Variants in SLC10A6 observed in about 807,000 individuals in gnomAD.
SLC10A6 encodes solute carrier family 10 member 6, also known as sodium-dependent organic anion transporter.
SLC10A6 carries 27 observed loss-of-function variants against 30.0 expected under a neutral mutation model. That is an observed-to-expected ratio of 0.90 (90% CI 0.66 to 1.24). SLC10A6 has a LOEUF of 1.24. SLC10A6 is among the 50% of genes most tolerant of loss of function. The probability of loss-of-function intolerance (pLI) is 0.00; values close to 1 mark genes in which losing one functional copy is unlikely to be tolerated. For missense variants in SLC10A6, 439 were observed against 457.0 expected, an observed-to-expected ratio of 0.96 and a Z score of 0.36; for synonymous variants, 166 against 173.8, an observed-to-expected ratio of 0.95 and a Z score of 0.36.
At chr4:86,837,293 G>GA (rs1560460397) in intron 1 of SLC10A6, among the ~76,000 whole-genome samples, 1,671 of 74,946 alleles carry the variant, frequency 0.022, 69 homozygotes, top group South Asian at 0.035. Flanking sequence ...GAAAAAGAAA[G>GA]GAAGGAAGGA....
At chr4:86,825,639 C>G (rs1745968755) in intron 4 of SLC10A6, 62 bp from the exon 5 acceptor site, 1 of 1,468,086 alleles carries the variant, frequency 6.8e-7, no homozygotes, top group African/African-American at 1.4e-5. Context: ...CTAATATTTT[C>G]TCATATGCAT....
intron 1 of SLC10A6, among the ~76,000 whole-genome samples, chr4:86,836,076 A>G (rs1746180234): frequency 6.6e-6 from 1 of 152,224 alleles, no homozygotes; most frequent in Non-Finnish European, 1.5e-5. Flanking sequence ...ACCAACAGCC[A>G]TGCTACATAG....
intron 1 of SLC10A6, among the ~76,000 whole-genome samples, chr4:86,837,229 A>C (rs28694007): frequency 1.6e-5 from 1 of 61,298 alleles, no homozygotes; most frequent in Non-Finnish European, 2.9e-5. Flanking sequence ...GAGAGAGAGA[A>C]AGAAAGAAAG....
chr4:86,838,435 T>C (rs909554708), intron 1 of SLC10A6, among the ~76,000 whole-genome samples: 1 of 152,218 alleles, frequency 6.6e-6, no homozygotes, highest in Non-Finnish European at 1.5e-5. Flanking sequence ...AAATACTTAC[T>C]GAATAAATGT....
chr4:86,823,861 T>C lies in SLC10A6; in HGVS notation c.961A>G (p.Lys321Glu), dbSNP rs767105782. The C allele has an allele frequency of 1.2e-6, 2 of 1,613,768 alleles. No homozygotes were observed. Among genetic ancestry groups the C allele is most frequent in the Non-Finnish European group, 1.7e-6 (2 of 1,179,784 alleles). ...ACTTCTGTGCAACCTGAGTTCTTTT[T>C]TCCATGTTTGTTCTTCAATCTCCTC... ...YKRRLKNKHG[K>E]KNSGCTEVCH... The change falls in exon 6 of 6, where the codon AAA becomes GAA. Residue 321 changes from lysine (K) to glutamate (E), a missense_variant. Physicochemically the swap from Lys to Glu is moderately conservative, Grantham distance 56. Transcript: ENST00000273905.
intron 1 of SLC10A6, among the ~76,000 whole-genome samples, chr4:86,840,239 G>A (rs900285777): frequency 2.6e-5 from 4 of 152,042 alleles, no homozygotes; most frequent in African/African-American, 9.7e-5. Flanking sequence ...ATTCTATCAG[G>A]TTGTGCTTTC....
intron 1 of SLC10A6, among the ~76,000 whole-genome samples, chr4:86,845,067 C>A (rs1450226384): frequency 1.3e-5 from 2 of 152,146 alleles, no homozygotes; most frequent in Non-Finnish European, 2.9e-5. Context: ...CAGAGCCAAA[C>A]CATATCACCA....
chr4:86,839,967 G>A (rs112827079), intron 1 of SLC10A6, among the ~76,000 whole-genome samples: 4,748 of 150,090 alleles, frequency 0.032, 244 homozygotes, highest in African/African-American at 0.11. Context: ...GGAGTGCAGT[G>A]GCCTGATCTT....
intron 1 of SLC10A6, among the ~76,000 whole-genome samples, chr4:86,835,952 C>G (rs1405747548): frequency 6.6e-6 from 1 of 152,120 alleles, no homozygotes; most frequent in Non-Finnish European, 1.5e-5. Context: ...GGTGAACAAA[C>G]CTGGAAAGAT....
intron 5 of SLC10A6, 87 bp from the exon 6 acceptor site, chr4:86,823,989 G>A (rs1421705300): frequency 1.7e-6 from 2 of 1,211,740 alleles, no homozygotes; most frequent in Non-Finnish European, 2.3e-6. Flanking sequence ...TCCTTCAGGT[G>A]TTTGTTTCAG....
At chr4:86,832,010 G>T in intron 2 of SLC10A6, 130 bp from the exon 3 acceptor site, 1 of 725,340 alleles carries the variant, frequency 1.4e-6, no homozygotes, top group Non-Finnish European at 2.4e-6. Context: ...CCCAAGTCTG[G>T]ATAAATGCCT....
chr4:86,833,321 G>T lies in SLC10A6; in HGVS notation c.481C>A (p.Pro161Thr). The T allele has an allele frequency of 6.2e-7, 1 of 1,613,122 alleles. No individual in the cohort carries two copies. The highest frequency in any genetic ancestry group is 8.5e-7 in the Non-Finnish European group (1 of 1,179,144). Residue 161 changes from proline (P) to threonine (T), a missense_variant, in exon 2 of 6, where the codon CCT (proline) becomes ACT (threonine). Coordinates refer to ENST00000273905, the MANE Select transcript of SLC10A6 (RefSeq NM_197965.3). ...CCATACAGACCTATGTTCTGATAAG[G>T]AATGGTGAGATTCTGCTGAAGACTC... is the stretch of plus-strand genomic sequence containing the variant. ...SWSLQQNLTI[P>T]YQNIGITLVC...
chr4:86,835,453 G>C (rs1184724964), intron 1 of SLC10A6, among the ~76,000 whole-genome samples: 1 of 152,190 alleles, frequency 6.6e-6, no homozygotes, highest in Non-Finnish European at 1.5e-5. Context: ...GATGACCTGA[G>C]GTCAGAAGTT....
At chr4:86,835,050 C>T (rs1296240179) in intron 1 of SLC10A6, among the ~76,000 whole-genome samples, 1 of 152,220 alleles carries the variant, frequency 6.6e-6, no homozygotes, top group African/African-American at 2.4e-5. Context: ...ACCTCCAATA[C>T]TGGAATCACA....
chr4:86,834,433 A>G (rs1337960800), intron 1 of SLC10A6, among the ~76,000 whole-genome samples: 2 of 152,198 alleles, frequency 1.3e-5, no homozygotes, highest in African/African-American at 4.8e-5. Flanking sequence ...AGGTTTATCC[A>G]TGTTTTAACA....
intron 3 of SLC10A6, among the ~76,000 whole-genome samples, chr4:86,831,218 A>G (rs933320145): frequency 3.9e-5 from 6 of 152,238 alleles, no homozygotes; most frequent in Admixed American, 2.6e-4. Context: ...TGCAAAGACA[A>G]GAGGAGGTAG....
At position 86,842,899 on chromosome 4, in the gene SLC10A6, G is replaced by A. The variant is rs539607903; in HGVS notation, c.377+5840C>T. On this transcript the variant is annotated intron_variant, in intron 1 of 5. Transcript: ENST00000273905. ...CTTTTTTTTTTTGAGATGGAGTCTCGCTCTGTCACTTGCCCAGGCTGGAGT... is the reference window on the plus strand; with the variant it reads ...CTTTTTTTTTTTGAGATGGAGTCTCACTCTGTCACTTGCCCAGGCTGGAGT... 4.9e-3 allele frequency among the ~76,000 whole-genome samples: 573 copies of A among 117,798 alleles called. 66 individuals carry two copies. The highest frequency in any genetic ancestry group is 0.017 in the African/African-American group (538 of 32,442). 77.3% of individuals were successfully genotyped at this position (117,798 alleles called of 152,430 possible).
rs1056465894 is a variant in SLC10A6, at chr4:86,829,701, G to A, written c.586-1533C>T. Among the ~76,000 whole-genome samples the A allele has an allele frequency of 4.0e-5, 6 of 151,462 alleles. No homozygotes were observed. In the East Asian group the frequency reaches 1.2e-3, roughly 29 times the overall value. ...TAAAATTAAAATGGAACTAAGAACAGGGAATGAAGATATACTAAAATAATG... is the reference window on the plus strand; with the variant it reads ...TAAAATTAAAATGGAACTAAGAACAAGGAATGAAGATATACTAAAATAATG... On this transcript the variant is annotated intron_variant, in intron 3 of 5. Transcript: ENST00000273905.
chr4:86,837,176 G>A (rs570952853), intron 1 of SLC10A6, among the ~76,000 whole-genome samples: 1 of 147,632 alleles, frequency 6.8e-6, no homozygotes, highest in East Asian at 2.0e-4. Context: ...AAACCAGGGA[G>A]AGGAAGAAGA....
Sources: allele counts gnomAD v4.1 joint callset (sites outside exome capture counted in the v4.1 genomes callset), GRCh38; gene constraint gnomAD v4.1.1; transcripts MANE v1.5; gene names NCBI Gene and HGNC (gene_info 2026-07-23, HGNC 2026-07-21).